The following EYA1 variants were observed in gnomAD, a reference collection of about 807,000 sequenced individuals.
EYA1 encodes EYA transcriptional coactivator and phosphatase 1, also known as protein phosphatase EYA1.
EYA1 carries 16 observed loss-of-function variants against 82.0 expected under a neutral mutation model. The ratio of observed to expected loss-of-function variants is 0.20; its 90% CI spans 0.13 to 0.30. EYA1 has a LOEUF of 0.30. EYA1 is among the 10% of genes least tolerant of loss of function. The pLI, the probability that EYA1 is intolerant of heterozygous loss-of-function variation, is 1.00. For synonymous variants in EYA1, 261 were observed against 264.4 expected (o/e 0.99, Z 0.12); for missense variants, 633 against 730.7 (o/e 0.87, Z 1.54).
chr8:71,236,949 A>C (rs1327892192), intron 12 of EYA1, among the ~76,000 whole-genome samples: 1 of 152,206 alleles, frequency 6.6e-6, no homozygotes, highest in African/African-American at 2.4e-5. Context: ...TTATATCCTT[A>C]CCAGCAATGT....
intron 11 of EYA1, among the ~76,000 whole-genome samples, chr8:71,264,873 A>T (rs916979552): frequency 6.6e-5 from 10 of 152,112 alleles, no homozygotes; most frequent in African/African-American, 1.7e-4. Context: ...ATAAACCACC[A>T]TGCTGGGCCA....
At chr8:71,379,731 A>G (rs1374096078) in intron 2 of EYA1, among the ~76,000 whole-genome samples, 1 of 152,176 alleles carries the variant, frequency 6.6e-6, no homozygotes, top group Non-Finnish European at 1.5e-5. Context: ...AGCTCATCAT[A>G]TCTCTCACTT....
At chr8:71,503,366 G>A (rs567262271) in intron 2 of EYA1, among the ~76,000 whole-genome samples, 29 of 152,012 alleles carry the variant, frequency 1.9e-4, no homozygotes, top group African/African-American at 6.0e-4. Flanking sequence ...CCAGTTACTC[G>A]GGAGGCTGAG....
chr8:71,503,607 T>G (rs961369147), intron 2 of EYA1, among the ~76,000 whole-genome samples: 2 of 152,212 alleles, frequency 1.3e-5, no homozygotes, highest in Admixed American at 6.5e-5. Context: ...TTTTATGACA[T>G]CGCCAAAATA....
intron 12 of EYA1, among the ~76,000 whole-genome samples, chr8:71,229,722 C>A (rs1810974764): frequency 6.6e-6 from 1 of 152,190 alleles, no homozygotes; most frequent in African/African-American, 2.4e-5. Context: ...TAAAAGAATT[C>A]ATCTCCAATT....
At chr8:71,393,517 T>C (rs892152826) in intron 2 of EYA1, among the ~76,000 whole-genome samples, 1 of 152,160 alleles carries the variant, frequency 6.6e-6, no homozygotes. Flanking sequence ...CATTGTTCAA[T>C]TCCCACCTAT....
chr8:71,416,694 A>G (rs1586674976), intron 2 of EYA1, among the ~76,000 whole-genome samples: 1 of 152,180 alleles, frequency 6.6e-6, no homozygotes, highest in African/African-American at 2.4e-5. Flanking sequence ...TGGCAGCCTC[A>G]GCATCATCTC....
intron 9 of EYA1, among the ~76,000 whole-genome samples, chr8:71,294,887 A>G (rs1370369074): frequency 1.3e-5 from 2 of 152,214 alleles, no homozygotes; most frequent in African/African-American, 4.8e-5. Flanking sequence ...GTGAAAAAAT[A>G]GACAAATGGA....
At chr8:71,407,652 C>T (rs866774941) in intron 2 of EYA1, among the ~76,000 whole-genome samples, 1,655 of 112,352 alleles carry the variant, frequency 0.015, 29 homozygotes, top group African/African-American at 0.063. Flanking sequence ...TGAAATGAAG[C>T]GAGAAGGGAA....
intron 9 of EYA1, among the ~76,000 whole-genome samples, chr8:71,291,055 T>A (rs1382510965): frequency 6.6e-6 from 1 of 152,234 alleles, no homozygotes; most frequent in Non-Finnish European, 1.5e-5. Context: ...AAGTATGGCC[T>A]GCAGATTTTC....
chr8:71,485,527 C>T (rs530405556), intron 2 of EYA1, among the ~76,000 whole-genome samples: 22 of 151,728 alleles, frequency 1.4e-4, no homozygotes, highest in Non-Finnish European at 2.5e-4. Flanking sequence ...AAGAAGAGAA[C>T]AGATTTTACA....
At chr8:71,466,303 G>C (rs557792582) in intron 2 of EYA1, among the ~76,000 whole-genome samples, 212 of 152,130 alleles carry the variant, frequency 1.4e-3, no homozygotes, top group African/African-American at 4.9e-3. Context: ...CATTCAAAAA[G>C]CAATGTTTAT....
chr8:71,493,865 T>C (rs1811202542), intron 2 of EYA1, among the ~76,000 whole-genome samples: 1 of 146,926 alleles, frequency 6.8e-6, no homozygotes, highest in South Asian at 2.2e-4. Flanking sequence ...CTACTAAAAA[T>C]ACAAAAAATT....
intron 9 of EYA1, among the ~76,000 whole-genome samples, chr8:71,292,311 C>T (rs576178187): frequency 6.6e-6 from 1 of 151,882 alleles, no homozygotes; most frequent in African/African-American, 2.4e-5. Flanking sequence ...TTATTTTTCC[C>T]TTCCTCTATT....
chr8:71,349,332 A>G (rs1306643716), intron 3 of EYA1, among the ~76,000 whole-genome samples: 1 of 152,224 alleles, frequency 6.6e-6, no homozygotes, highest in Non-Finnish European at 1.5e-5. Context: ...TCAGCCATGA[A>G]GGCACCAATG....
At chr8:71,533,373 C>A (rs1814450025) in intron 2 of EYA1, among the ~76,000 whole-genome samples, 1 of 152,144 alleles carries the variant, frequency 6.6e-6, no homozygotes, top group South Asian at 2.1e-4. Flanking sequence ...ATGCTGTTAA[C>A]TGTTGAAGTG....
At chr8:71,449,430 T>A (rs576088372) in intron 2 of EYA1, among the ~76,000 whole-genome samples, 1 of 152,348 alleles carries the variant, frequency 6.6e-6, no homozygotes, top group East Asian at 1.9e-4. Flanking sequence ...CTTGAGTGAC[T>A]GGGAGCATTT....
At chr8:71,374,336 AT>A (rs774845789) in intron 2 of EYA1, among the ~76,000 whole-genome samples, 3 of 152,136 alleles carry the variant, frequency 2.0e-5, no homozygotes, top group Non-Finnish European at 4.4e-5. Context: ...CTAAATAGAC[AT>A]TTTTCTAAAA....
At chr8:71,508,584 C>G (rs1033349057) in intron 2 of EYA1, among the ~76,000 whole-genome samples, 15 of 152,094 alleles carry the variant, frequency 9.9e-5, no homozygotes, top group Admixed American at 2.0e-4. Flanking sequence ...GGGTGGAGCC[C>G]TCCTGAATGG....
Sources: allele counts gnomAD v4.1 joint callset (sites outside exome capture counted in the v4.1 genomes callset), GRCh38; gene constraint gnomAD v4.1.1; transcripts MANE v1.5; gene names NCBI Gene and HGNC (gene_info 2026-07-23, HGNC 2026-07-21).